BCKDHB: variants seen among roughly 807,000 people sequenced by gnomAD.
BCKDHB encodes the protein 2-oxoisovalerate dehydrogenase subunit beta, mitochondrial.
Under a neutral mutation model 48.5 loss-of-function variants are expected in BCKDHB, and 41 were observed. The observed-to-expected ratio is 0.85, with a 90% CI of 0.66 to 1.10. The LOEUF (loss-of-function observed/expected upper bound fraction) is 1.10, where lower values mean the gene tolerates loss of function less well. Among genes scored for constraint, BCKDHB ranks in the 50% least tolerant of loss-of-function variants. BCKDHB has a pLI of 0.00. For synonymous variants in BCKDHB, 201 were observed against 174.8 expected (o/e 1.15, Z -1.18); for missense variants, 496 against 494.2 (o/e 1.00, Z -0.03).
intron 8 of BCKDHB, among the ~76,000 whole-genome samples, chr6:80,219,964 A>G (rs539664282): frequency 6.6e-6 from 1 of 152,196 alleles, no homozygotes; most frequent in East Asian, 1.9e-4. Flanking sequence ...GATACATTTT[A>G]TACTGAAATA....
the BCKDHB span, among the ~76,000 whole-genome samples, chr6:80,417,713 G>A: frequency 5.9e-5 from 9 of 152,172 alleles, no homozygotes; most frequent in Non-Finnish European, 2.9e-5. Context: ...CTGTTAGTCT[G>A]ATGATCTTCC....
In BCKDHB at chr6:80,322,737, C is replaced by T. The variant is rs180836134; in HGVS notation, c.1039-20927C>T. The stretch of plus-strand genomic sequence containing the variant: ...TAGTATAAAATTTTAATTCCTCCAT[C>T]GTCACCAATAAACATTTATGGAGAA... On this transcript the variant is annotated intron_variant, in intron 9 of 9. Coordinates refer to ENST00000320393, the MANE Select transcript of BCKDHB (RefSeq NM_183050.4). Among the ~76,000 whole-genome samples the T allele has an allele frequency of 1.9e-3, 285 of 152,200 alleles. 2 individuals carry two copies. Among genetic ancestry groups the T allele is most frequent in the Admixed American group, 1.5e-3 (23 of 15,290 alleles).
At chr6:80,207,943 A>G (rs1282542933) in intron 8 of BCKDHB, among the ~76,000 whole-genome samples, 1 of 151,858 alleles carries the variant, frequency 6.6e-6, no homozygotes, top group East Asian at 1.9e-4. Flanking sequence ...TCCCTCTTAA[A>G]TCTTGCTTAA....
Position 80,273,119 on chromosome 6 carries a change from T to C in BCKDHB, c.952-16T>C. The C allele has an allele frequency of 6.2e-7, 1 of 1,604,980 alleles. No homozygotes were observed. Among genetic ancestry groups the C allele is most frequent in the Non-Finnish European group, 8.5e-7 (1 of 1,172,096 alleles). On this transcript the variant is annotated splice_polypyrimidine_tract_variant and intron_variant, in intron 8 of 9. Coordinates refer to ENST00000320393, the MANE Select transcript of BCKDHB (RefSeq NM_183050.4). Reference sequence around the variant, plus strand: ...AGATATTCTTTTTAACATCAGGTTTTTCTTTTCTCTTTCAGTCTGTGATCA... The same window carrying C: ...AGATATTCTTTTTAACATCAGGTTTCTCTTTTCTCTTTCAGTCTGTGATCA...
chr6:80,374,990 T>G, the BCKDHB span, among the ~76,000 whole-genome samples: 1 of 152,236 alleles, frequency 6.6e-6, no homozygotes, highest in Non-Finnish European at 1.5e-5. Flanking sequence ...GAATCCCTTC[T>G]AGCTTGTAGG....
chr6:80,241,370 C>A (rs1428835703), intron 8 of BCKDHB, among the ~76,000 whole-genome samples: 1 of 152,198 alleles, frequency 6.6e-6, no homozygotes. Context: ...GCTCTGGTTT[C>A]TCCCCATCTT....
chr6:80,388,073 G>C, the BCKDHB span, among the ~76,000 whole-genome samples: 1 of 152,196 alleles, frequency 6.6e-6, no homozygotes, highest in Non-Finnish European at 1.5e-5. Context: ...CCAAGAGAGA[G>C]GCACAATGCC....
the BCKDHB span, among the ~76,000 whole-genome samples, chr6:80,448,847 C>T: frequency 6.6e-6 from 1 of 152,096 alleles, no homozygotes; most frequent in Non-Finnish European, 1.5e-5. Context: ...TGCTCATTAC[C>T]TGCATGATGG....
chr6:80,345,726 C>T lies in BCKDHB; in HGVS notation c.*1922C>T, dbSNP rs1358494830. 2.6e-5 allele frequency: 4 copies of T among 152,192 alleles called. No individual in the cohort carries two copies. The highest frequency in any genetic ancestry group is 2.1e-4 in the South Asian group (1 of 4,818). The allele number at this position is 152,192 out of a possible 1,614,324, so 9.4% of individuals were successfully genotyped here. A position where few individuals can be genotyped will look rare whatever the true frequency, so the allele number is the denominator to read the frequency against. On this transcript the variant is annotated 3_prime_UTR_variant, in exon 10 of 10. Transcript: ENST00000320393. Reference sequence around the variant, plus strand: ...TTTTGTTGTCCATGTGGTTCCCTTCCGTGGACCAGCCGTAATAAAGAGCCA... The same window carrying T: ...TTTTGTTGTCCATGTGGTTCCCTTCTGTGGACCAGCCGTAATAAAGAGCCA...
chr6:80,386,088 G>A, the BCKDHB span, among the ~76,000 whole-genome samples: 2 of 152,176 alleles, frequency 1.3e-5, no homozygotes, highest in Non-Finnish European at 2.9e-5. Flanking sequence ...TGGGATGGTG[G>A]AGTGGATTAG....
chr6:80,232,841 G>A (rs1032907459), intron 8 of BCKDHB, among the ~76,000 whole-genome samples: 4 of 151,188 alleles, frequency 2.6e-5, no homozygotes, highest in Non-Finnish European at 4.4e-5. Context: ...TTTATGGCAA[G>A]CATATTAAAA....
intron 8 of BCKDHB, among the ~76,000 whole-genome samples, chr6:80,237,719 A>G (rs1776202782): frequency 6.6e-6 from 1 of 152,214 alleles, no homozygotes; most frequent in South Asian, 2.1e-4. Flanking sequence ...TGACTCCAAA[A>G]CCTATATGCC....
chr6:80,226,900 G>A (rs959385546), intron 8 of BCKDHB, among the ~76,000 whole-genome samples: 3 of 152,162 alleles, frequency 2.0e-5, no homozygotes, highest in African/African-American at 7.2e-5. Flanking sequence ...GGGATCTCTG[G>A]CCCTGGCTTT....
chr6:80,279,791 G>C (rs1015399544), intron 9 of BCKDHB, among the ~76,000 whole-genome samples: 29 of 152,148 alleles, frequency 1.9e-4, no homozygotes, highest in African/African-American at 6.7e-4. Context: ...TCCAAGAATT[G>C]GTGTCCTTGT....
chr6:80,272,587 G>A (rs570698156), intron 8 of BCKDHB, among the ~76,000 whole-genome samples: 1 of 152,248 alleles, frequency 6.6e-6, no homozygotes, highest in South Asian at 2.1e-4. Context: ...CCTTAAAATA[G>A]AGTGTGGTCA....
intron 5 of BCKDHB, among the ~76,000 whole-genome samples, 176 bp downstream of exon 5, chr6:80,169,206 A>G (rs1286232071): frequency 6.6e-6 from 1 of 152,220 alleles, no homozygotes; most frequent in Non-Finnish European, 1.5e-5. Context: ...ATGCTATCCA[A>G]TGCCCAGTTT....
At chr6:80,409,118 A>T in the BCKDHB span, among the ~76,000 whole-genome samples, 4 of 152,054 alleles carry the variant, frequency 2.6e-5, no homozygotes, top group East Asian at 7.7e-4. Flanking sequence ...TTCTGCTTTC[A>T]TTTCATTATT....
At chr6:80,258,085 C>CTATG (rs1337240412) in intron 8 of BCKDHB, among the ~76,000 whole-genome samples, 8 of 152,228 alleles carry the variant, frequency 5.3e-5, no homozygotes, top group Middle Eastern at 3.4e-3. Flanking sequence ...ATACGCTGTA[C>CTATG]TATGTATCCT....
intron 3 of BCKDHB, among the ~76,000 whole-genome samples, chr6:80,163,876 A>C (rs975933289): frequency 2.6e-5 from 4 of 152,198 alleles, no homozygotes; most frequent in Admixed American, 2.6e-4. Flanking sequence ...CATACTGCAC[A>C]TCCATTTCAT....
Sources: gnomAD v4.1 joint callset for allele counts (sites outside exome capture counted in the v4.1 genomes callset) on GRCh38, gnomAD v4.1.1 for gene constraint, MANE v1.5 for transcripts, NCBI Gene and HGNC (gene_info 2026-07-23, HGNC 2026-07-21) for gene names.